The following RFWD3 variants were observed in gnomAD, a reference collection of about 807,000 sequenced individuals.
RFWD3 encodes the protein E3 ubiquitin-protein ligase RFWD3.
Under a neutral mutation model 87.7 loss-of-function variants are expected in RFWD3, and 65 were observed. The observed-to-expected ratio is 0.74, with a 90% CI of 0.61 to 0.91. RFWD3 has a LOEUF of 0.91. RFWD3 is among the 40% of genes least tolerant of loss of function. The probability of loss-of-function intolerance (pLI) is 0.00; values close to 1 mark genes in which losing one functional copy is unlikely to be tolerated. For missense variants in RFWD3, 1,078 were observed against 938.5 expected (o/e 1.15, Z -1.94); for synonymous variants, 433 against 352.8 (o/e 1.23, Z -2.55).
chr16:74,639,076 T>C (rs1315667161), intron 6 of RFWD3, among the ~76,000 whole-genome samples: 3 of 148,600 alleles, frequency 2.0e-5, no homozygotes, highest in Admixed American at 1.4e-4. Context: ...TCTCACTCCA[T>C]TGCCTAGGCT....
intron 9 of RFWD3, among the ~76,000 whole-genome samples, chr16:74,631,546 C>G (rs1003944857): frequency 6.6e-6 from 1 of 151,932 alleles, no homozygotes; most frequent in Non-Finnish European, 1.5e-5. Context: ...ATTTTTAAAA[C>G]AATACTTATA....
chr16:74,643,433 A>C (rs1959825715), intron 6 of RFWD3, among the ~76,000 whole-genome samples: 2 of 152,172 alleles, frequency 1.3e-5, no homozygotes, highest in Admixed American at 1.3e-4. Flanking sequence ...AACAATGCTA[A>C]ATGAAGTTTC....
At chr16:74,657,557 C>T (rs1191921521) in intron 2 of RFWD3, among the ~76,000 whole-genome samples, 2 of 150,688 alleles carry the variant, frequency 1.3e-5, no homozygotes, top group Non-Finnish European at 2.9e-5. Flanking sequence ...CTCACTGCAA[C>T]ATCCACCTCC....
At chr16:74,631,463 A>ACTCTCTCTCTCTCT (rs56056110) in intron 9 of RFWD3, among the ~76,000 whole-genome samples, 3,909 of 150,220 alleles carry the variant, frequency 0.026, 55 homozygotes, top group South Asian at 0.047. Flanking sequence ...ACAGAGTGAG[A>ACTCTCTCTCTCTCT]CTCTCTCTCT....
chr16:74,645,708 C>A (rs1691929459), intron 4 of RFWD3, among the ~76,000 whole-genome samples: 1 of 144,984 alleles, frequency 6.9e-6, no homozygotes, highest in South Asian at 2.2e-4. Context: ...ATAGACTGAA[C>A]TATTATGCAG....
rs573076692 is a variant in RFWD3, at chr16:74,642,929, T to C, written c.1079+1433A>G. ...CTTTTTCTAATGAGGCTGGAGAGTA[T>C]ACTAATTCCTTATTGTAATCAGTGA... On this transcript the variant is annotated intron_variant, in intron 6 of 12. Transcript: ENST00000361070. Among the ~76,000 whole-genome samples, 9 of 152,356 alleles carry C rather than the reference T, an allele frequency of 5.9e-5. No homozygotes were observed. The South Asian group carries it at 1.4e-3, about 25-fold the overall frequency.
At position 74,626,399 on chromosome 16, in the gene RFWD3, C is replaced by T. The variant is rs1355086543; in HGVS notation, c.2125G>A (p.Glu709Lys). ...LTKNAIFQSPENDGNILVCTG... is the reference protein window; with the variant it reads ...LTKNAIFQSPKNDGNILVCTG... ...CACACCAGGATGTTGCCATCATTCTCTGGGCTTTGGAAAATGGCATTTTTG... is the reference window on the plus strand; with the variant it reads ...CACACCAGGATGTTGCCATCATTCTTTGGGCTTTGGAAAATGGCATTTTTG... The change falls in exon 12 of 13, where the codon GAG (glutamate) becomes AAG (lysine). Residue 709 changes from glutamate (E) to lysine (K), a missense_variant. By Grantham distance (56) the Glu-to-Lys change is moderately conservative. Coordinates refer to ENST00000361070, the MANE Select transcript of RFWD3 (RefSeq NM_018124.4). The T allele has an allele frequency of 1.2e-6, 2 of 1,614,096 alleles. No individual in the cohort carries two copies. Among genetic ancestry groups the T allele is most frequent in the Non-Finnish European group, 1.7e-6 (2 of 1,180,044 alleles).
At chr16:74,653,767 G>T (rs1272377826) in intron 2 of RFWD3, among the ~76,000 whole-genome samples, 1 of 152,184 alleles carries the variant, frequency 6.6e-6, no homozygotes, top group Non-Finnish European at 1.5e-5. Flanking sequence ...CATTGTTGAG[G>T]ACTGCTTACA....
At chr16:74,624,710 T>C (rs1269923249) in intron 12 of RFWD3, among the ~76,000 whole-genome samples, 4 of 152,198 alleles carry the variant, frequency 2.6e-5, no homozygotes, top group African/African-American at 9.6e-5. Flanking sequence ...AAAAATTTAT[T>C]ATTGGCCAGG....
rs553786054 is a variant in RFWD3, at chr16:74,632,426, C to A, written c.1577+97G>T. The A allele has an allele frequency of 2.1e-4, 287 of 1,380,042 alleles. 2 individuals carry two copies. The African/African-American group carries it at 2.9e-3, about 14-fold the overall frequency. The allele number at this position is 1,380,042 out of a possible 1,614,324, so 85.5% of individuals were successfully genotyped here. A position where few individuals can be genotyped will look rare whatever the true frequency, so the allele number is the denominator to read the frequency against. On this transcript the variant is annotated intron_variant, in intron 9 of 12. Transcript: ENST00000361070. ...AAACAAAACAAAACAACAACAACAACAAAAAACAGAGCTAAGGTCATCATA... is the reference window on the plus strand; with the variant it reads ...AAACAAAACAAAACAACAACAACAAAAAAAAACAGAGCTAAGGTCATCATA...
rs755647088 is a variant in RFWD3 at position 74,644,549 on chromosome 16, A to G, written c.979T>C (p.Cys327Arg). 4 of 1,614,186 alleles carry G rather than the reference A, an allele frequency of 2.5e-6. No homozygotes were observed. Among genetic ancestry groups the G allele is most frequent in the Non-Finnish European group, 8.5e-7 (1 of 1,180,036 alleles). Reference protein sequence around the residue: ...STWLKGQVRKCPQCNKKARHS... With the variant: ...STWLKGQVRKRPQCNKKARHS... ...TTACCTATGGTCCTTACCTGGGGAC[A>G]TTTTCGTACTTGTCCTTTAAGCCAC... The change falls in exon 5 of 13, where the codon TGT (cysteine) becomes CGT (arginine). Residue 327 changes from cysteine to arginine, a missense_variant. Coordinates refer to ENST00000361070, the MANE Select transcript of RFWD3 (RefSeq NM_018124.4).
At chr16:74,638,978 G>A (rs1959388567) in intron 6 of RFWD3, among the ~76,000 whole-genome samples, 1 of 151,192 alleles carries the variant, frequency 6.6e-6, no homozygotes, top group South Asian at 2.1e-4. Context: ...TATAGGCAAT[G>A]GTACTATAAT....
intron 1 of RFWD3, among the ~76,000 whole-genome samples, chr16:74,663,425 G>A (rs923167914): frequency 1.3e-5 from 2 of 152,132 alleles, no homozygotes; most frequent in African/African-American, 4.8e-5. Flanking sequence ...AAGTGCTACT[G>A]GGGGGAAGAA....
intron 4 of RFWD3, 58 bp downstream of exon 4, chr16:74,649,074 A>T: frequency 8.6e-7 from 1 of 1,161,026 alleles, no homozygotes; most frequent in Non-Finnish European, 1.2e-6. Flanking sequence ...AGTGAGACCT[A>T]GTCTCTAAAA....
At chr16:74,654,114 G>A (rs1960783630) in intron 2 of RFWD3, among the ~76,000 whole-genome samples, 1 of 151,940 alleles carries the variant, frequency 6.6e-6, no homozygotes, top group African/African-American at 2.4e-5. Context: ...ACCTAAAAGG[G>A]ACCCTGTATC....
intron 6 of RFWD3, among the ~76,000 whole-genome samples, chr16:74,640,014 T>C (rs1343974330): frequency 1.3e-5 from 2 of 152,196 alleles, no homozygotes; most frequent in Non-Finnish European, 2.9e-5. Flanking sequence ...TCCTAATTTA[T>C]AAATTATCCT....
chr16:74,637,864 G>A lies in RFWD3; in HGVS notation c.1186C>T (p.Arg396Cys), dbSNP rs781399677. 27 of 1,610,780 alleles carry A rather than the reference G, an allele frequency of 1.7e-5. No homozygotes were observed. The African/African-American group carries it at 1.7e-4, about 10-fold the overall frequency. Residue 396 changes from arginine (R) to cysteine (C), a missense_variant, in exon 7 of 13, where the codon CGT becomes TGT. Transcript: ENST00000361070. ...LTDKCTRLQR[R>C]VQDLQKLTSH... ...AGAAAGGACAAACGTACCTGAACAC[G>A]CCTTTGAAGCCTAGTGCACTTATCA...
chr16:74,629,667 A>AC (rs902327928), intron 10 of RFWD3, among the ~76,000 whole-genome samples: 7 of 115,006 alleles, frequency 6.1e-5, no homozygotes, highest in African/African-American at 2.0e-4. Flanking sequence ...ACCACCAACA[A>AC]AAAAAAAAAA....
intron 9 of RFWD3, 115 bp downstream of exon 9, chr16:74,632,408 A>C: frequency 7.8e-7 from 1 of 1,284,376 alleles, no homozygotes; most frequent in Non-Finnish European, 1.1e-6. Context: ...ACAAAACAAA[A>C]CAAAACAACA....
Sources: allele counts gnomAD v4.1 joint callset (sites outside exome capture counted in the v4.1 genomes callset), GRCh38; gene constraint gnomAD v4.1.1; transcripts MANE v1.5; gene names NCBI Gene and HGNC (gene_info 2026-07-23, HGNC 2026-07-21).